Variants in C1orf21 observed in about 807,000 individuals in gnomAD.
The protein encoded by C1orf21 is uncharacterized protein C1orf21.
Under a neutral mutation model 18.7 loss-of-function variants are expected in C1orf21, and 3 were observed. That is an observed-to-expected ratio of 0.16 (90% CI 0.07 to 0.42). C1orf21 has a LOEUF of 0.42. C1orf21 is among the 10% of genes least tolerant of loss of function. The pLI, the probability that C1orf21 is intolerant of heterozygous loss-of-function variation, is 0.99. For synonymous variants in C1orf21, 41 were observed against 46.4 expected, an observed-to-expected ratio of 0.88 and a Z score of 0.47; for missense variants, 104 against 143.6, an observed-to-expected ratio of 0.72 and a Z score of 1.41.
chr1:184,534,542 T>C (rs974905617), intron 3 of C1orf21, among the ~76,000 whole-genome samples: 1 of 152,292 alleles, frequency 6.6e-6, no homozygotes, highest in Admixed American at 6.5e-5. Context: ...AATTGTGATT[T>C]CTTTTACACA....
chr1:184,503,152 T>A (rs1337374453), intron 2 of C1orf21, among the ~76,000 whole-genome samples: 1 of 151,722 alleles, frequency 6.6e-6, no homozygotes, highest in Non-Finnish European at 1.5e-5. Context: ...TTAGGTTAAT[T>A]TGAAGCAAAC....
intron 3 of C1orf21, among the ~76,000 whole-genome samples, chr1:184,564,570 G>C (rs1659010050): frequency 1.3e-5 from 2 of 152,166 alleles, no homozygotes; most frequent in South Asian, 4.1e-4. Flanking sequence ...CTCCCAAAGT[G>C]CTGGGATTAC....
chr1:184,403,714 T>C (rs1656201059), intron 1 of C1orf21, among the ~76,000 whole-genome samples: 2 of 152,226 alleles, frequency 1.3e-5, no homozygotes, highest in African/African-American at 4.8e-5. Context: ...AAAACTTCTT[T>C]CTCAAGTGGA....
chr1:184,529,989 T>A (rs1364685183), intron 3 of C1orf21, among the ~76,000 whole-genome samples: 1 of 152,176 alleles, frequency 6.6e-6, no homozygotes, highest in Non-Finnish European at 1.5e-5. Flanking sequence ...TTACCATATC[T>A]TACTTTTACA....
intron 5 of C1orf21, among the ~76,000 whole-genome samples, chr1:184,604,742 A>G (rs1159885168): frequency 6.6e-6 from 1 of 152,142 alleles, no homozygotes. Flanking sequence ...GTGTGTGCAT[A>G]CTCTGGGCTT....
intron 1 of C1orf21, among the ~76,000 whole-genome samples, chr1:184,477,041 T>C (rs1217021378): frequency 1.3e-5 from 2 of 152,124 alleles, no homozygotes; most frequent in Non-Finnish European, 2.9e-5. Flanking sequence ...TTTTGAGATT[T>C]CAGAACATTA....
Position 184,624,855 on chromosome 1 carries a change from A to T in C1orf21, c.*5299A>T, listed in dbSNP as rs41263678. 2 of 152,082 alleles carry T rather than the reference A, an allele frequency of 1.3e-5. No homozygotes were observed. Among genetic ancestry groups the T allele is most frequent in the African/African-American group, 4.8e-5 (2 of 41,380 alleles). The allele number at this position is 152,082 out of a possible 1,614,324, so 9.4% of individuals were successfully genotyped here. On this transcript the variant is annotated 3_prime_UTR_variant, in exon 6 of 6. Coordinates refer to ENST00000235307, the MANE Select transcript of C1orf21 (RefSeq NM_030806.4). The stretch of plus-strand genomic sequence containing the variant: ...GAATCACATCCTCTAAAGATGACTC[A>T]TGTCTCCATAGCAACTGTTAAAGGT...
intron 2 of C1orf21, among the ~76,000 whole-genome samples, chr1:184,484,339 G>A (rs977252470): frequency 6.6e-6 from 1 of 152,080 alleles, no homozygotes; most frequent in African/African-American, 2.4e-5. Context: ...TGCTTGGCAC[G>A]GGCCCGTTTT....
intron 3 of C1orf21, among the ~76,000 whole-genome samples, chr1:184,574,237 A>G (rs1386829217): frequency 6.6e-6 from 1 of 152,112 alleles, no homozygotes; most frequent in African/African-American, 2.4e-5. Context: ...TGAAGATAAT[A>G]TATACCTTGG....
At chr1:184,548,339 G>A (rs868124637) in intron 3 of C1orf21, among the ~76,000 whole-genome samples, 7 of 151,666 alleles carry the variant, frequency 4.6e-5, no homozygotes, top group African/African-American at 2.4e-5. Context: ...TCTGGCAGTG[G>A]TGCCTGACCC....
chr1:184,560,479 A>G (rs530527875), intron 3 of C1orf21, among the ~76,000 whole-genome samples: 1 of 152,376 alleles, frequency 6.6e-6, no homozygotes, highest in East Asian at 1.9e-4. Flanking sequence ...CATATGAGCC[A>G]GAAGAAAAGG....
At chr1:184,457,465 A>G (rs1434511468) in intron 1 of C1orf21, among the ~76,000 whole-genome samples, 2 of 149,088 alleles carry the variant, frequency 1.3e-5, no homozygotes, top group South Asian at 2.1e-4. Context: ...ATATAAATAT[A>G]TATATATATT....
chr1:184,534,019 A>T (rs997870603), intron 3 of C1orf21, among the ~76,000 whole-genome samples: 5 of 152,192 alleles, frequency 3.3e-5, no homozygotes, highest in African/African-American at 1.2e-4. Context: ...CTGAGAGAGC[A>T]TTCACCAGGG....
At chr1:184,509,701 T>A (rs1385430418) in intron 3 of C1orf21, among the ~76,000 whole-genome samples, 2 of 152,206 alleles carry the variant, frequency 1.3e-5, no homozygotes, top group African/African-American at 4.8e-5. Context: ...ATTCTTTTTT[T>A]AAATAAAAAA....
At chr1:184,478,198 T>A (rs898532832) in intron 2 of C1orf21, among the ~76,000 whole-genome samples, 5 of 151,774 alleles carry the variant, frequency 3.3e-5, no homozygotes, top group Non-Finnish European at 7.4e-5. Context: ...GGGGAGTGAG[T>A]GAGGATTTAT....
chr1:184,449,581 G>T (rs1259886742), intron 1 of C1orf21, among the ~76,000 whole-genome samples: 1 of 152,036 alleles, frequency 6.6e-6, no homozygotes, highest in Non-Finnish European at 1.5e-5. Context: ...GGGATGGCTG[G>T]GTCAAATGGT....
intron 1 of C1orf21, among the ~76,000 whole-genome samples, chr1:184,400,456 G>A (rs866792819): frequency 2.0e-5 from 3 of 152,034 alleles, no homozygotes; most frequent in Non-Finnish European, 2.9e-5. Context: ...TTTACATATT[G>A]TTTCCCTATT....
At chr1:184,588,992 A>G (rs1006486349) in intron 3 of C1orf21, among the ~76,000 whole-genome samples, 1 of 152,210 alleles carries the variant, frequency 6.6e-6, no homozygotes, top group Non-Finnish European at 1.5e-5. Flanking sequence ...TAGCAACCAC[A>G]GAATGGGTTT....
chr1:184,388,828 C>A (rs1479437676), intron 1 of C1orf21, among the ~76,000 whole-genome samples: 1 of 152,102 alleles, frequency 6.6e-6, no homozygotes, highest in Non-Finnish European at 1.5e-5. Flanking sequence ...GCTACTTCAG[C>A]ACTGTTGTGG....
Sources: allele counts gnomAD v4.1 joint callset (sites outside exome capture counted in the v4.1 genomes callset), GRCh38; gene constraint gnomAD v4.1.1; transcripts MANE v1.5; gene names NCBI Gene and HGNC (gene_info 2026-07-23, HGNC 2026-07-21).